GRK1: variants seen among roughly 807,000 people sequenced by gnomAD.
GRK1 encodes rhodopsin kinase GRK1.
A neutral mutation model predicts 41.7 loss-of-function variants in GRK1; 28 were observed. That is an observed-to-expected ratio of 0.67 (90% confidence interval 0.50 to 0.92). The LOEUF is 0.92. GRK1 is among the 40% of genes least tolerant of loss of function. The pLI is 0.00. For synonymous variants in GRK1, 327 were observed against 286.7 expected (o/e 1.14, Z -1.42); for missense variants, 703 against 671.2 (o/e 1.05, Z -0.52).
rs193158669 is a variant in GRK1 at position 113,731,003 on chromosome 13, G to A, written c.1070-216G>A. 3.9e-4 allele frequency among the ~76,000 whole-genome samples: 60 copies of A among 152,290 alleles called. 1 individual carries two copies. Among genetic ancestry groups the A allele is most frequent in the Admixed American group, 2.4e-3 (37 of 15,302 alleles). ...CATTTTTGGTTGTCACAGCCTGGGG[G>A]TGCTGCTGTCACCCCACAGGCAGAG... On this transcript the variant is annotated intron_variant, in intron 4 of 6. Transcript: ENST00000335678. The surrounding 1 kb of genome is among the most constrained non-coding windows in gnomAD (Gnocchi z 5.6).
the GRK1 span, chr13:113,650,345 T>G: frequency 3.3e-6 from 5 of 1,499,436 alleles, no homozygotes; most frequent in South Asian, 5.7e-5. The surrounding 1 kb of genome is among the most constrained non-coding windows in gnomAD (Gnocchi z 5.0). Flanking sequence ...TGCTTTCCTT[T>G]CGCTAAGTGT....
At position 113,737,053 on chromosome 13, in the gene GRK1, TCA is replaced by T. The variant is rs1324065185; in HGVS notation, c.*1693_*1694del. ...GCTGCAGTGGGCAGGGCCTATGCCC[TCA>T]CAGTCCTCAGGCTGCCAGGTCGTCC... On this transcript the variant is annotated 3_prime_UTR_variant, in exon 7 of 7. Coordinates refer to ENST00000335678, the MANE Select transcript of GRK1 (RefSeq NM_002929.3). The T allele has an allele frequency of 6.6e-6, 1 of 152,434 alleles. No individual in the cohort carries two copies. The highest frequency in any genetic ancestry group is 1.5e-5 in the Non-Finnish European group (1 of 68,166). 9.4% of individuals were successfully genotyped at this position (152,434 alleles called of 1,614,324 possible).
chr13:113,666,220 G>C (rs1594569257), upstream of GRK1, among the ~76,000 whole-genome samples: 1 of 145,716 alleles, frequency 6.9e-6, no homozygotes, highest in East Asian at 2.1e-4. Flanking sequence ...CGCTGTCCCA[G>C]GTGTGTCCAA....
the GRK1 span, among the ~76,000 whole-genome samples, chr13:113,661,448 G>A: frequency 1.3e-5 from 2 of 151,870 alleles, no homozygotes; most frequent in African/African-American, 4.8e-5. Context: ...AAAAAGAAAA[G>A]CAAGTAAAAC....
chr13:113,650,276 TC>T, the GRK1 span: 146 of 837,824 alleles, frequency 1.7e-4, 1 homozygote, highest in African/African-American at 2.3e-3. This position sits in a 1 kb window ranked among gnomAD's most constrained non-coding sequence, Gnocchi z 5.0. Context: ...CGCAGAACGT[TC>T]CAGTCAGGAC....
chr13:113,649,474 A>G, the GRK1 span: 29 of 1,559,494 alleles, frequency 1.9e-5, no homozygotes, highest in South Asian at 3.4e-4. The surrounding 1 kb of genome is among the most constrained non-coding windows in gnomAD (Gnocchi z 4.7). Flanking sequence ...CACGATGGCG[A>G]CCTCAGCGTT....
the GRK1 span, chr13:113,649,556 G>T: frequency 6.8e-7 from 1 of 1,470,594 alleles, no homozygotes; most frequent in Non-Finnish European, 9.0e-7. The surrounding 1 kb of genome is among the most constrained non-coding windows in gnomAD (Gnocchi z 4.7). Context: ...AGTGAGGAAA[G>T]GACAGGTGTT....
chr13:113,735,478 C>A lies in GRK1; in HGVS notation c.*115C>A. On this transcript the variant is annotated 3_prime_UTR_variant, in exon 7 of 7. Coordinates refer to ENST00000335678, the MANE Select transcript of GRK1 (RefSeq NM_002929.3). ...GCAAGGGGACACGTGGTTCCCTCCA[C>A]CCAGGTCCCCATCACGCCATCTCCT... 1 of 1,174,346 alleles carries A rather than the reference C, an allele frequency of 8.5e-7. No homozygotes were observed. The highest frequency in any genetic ancestry group is 1.1e-6 in the Non-Finnish European group (1 of 873,430). 72.7% of individuals were successfully genotyped at this position (1,174,346 alleles called of 1,614,324 possible).
chr13:113,662,498 G>A (rs1807248453), upstream of GRK1, among the ~76,000 whole-genome samples: 1 of 152,164 alleles, frequency 6.6e-6, no homozygotes, highest in African/African-American at 2.4e-5. Flanking sequence ...CAGAAAGGAA[G>A]AAATAAAACT....
chr13:113,726,463 G>C (rs1275430544), intron 4 of GRK1: 1 of 152,936 alleles, frequency 6.5e-6, no homozygotes, highest in Non-Finnish European at 1.5e-5. Flanking sequence ...GGATCCAGGG[G>C]CGTGCACAGG....
Position 113,733,060 on chromosome 13 carries a change from C to T in GRK1, c.1371C>T (p.Asp457=). 3.3e-6 allele frequency: 5 copies of T among 1,536,870 alleles called. No individual in the cohort carries two copies. The highest frequency in any genetic ancestry group is 4.4e-6 in the Non-Finnish European group (5 of 1,146,806). Residue 457 remains aspartate (D), a synonymous_variant, in exon 6 of 7, where the codon GAC becomes GAT. Transcript: ENST00000335678. ...TCCGTGCCCACCCCCTCTTCAAGGA[C>T]CTTAACTGGAGGCAGCTGGAGGCTG... ...DKLRAHPLFK[D]LNWRQLEAGM... is the part of the protein sequence containing the mutation.
intron 4 of GRK1, among the ~76,000 whole-genome samples, chr13:113,724,294 C>T (rs1027732833): frequency 6.6e-6 from 1 of 152,242 alleles, no homozygotes; most frequent in African/African-American, 2.4e-5. Context: ...ACAGCAGCCA[C>T]ACCGTGAATT....
At position 113,667,866 on chromosome 13, in the gene GRK1, C is replaced by A. The variant is rs771090031; in HGVS notation, c.480C>A (p.Ala160=). 1 of 1,589,680 alleles carries A rather than the reference C, an allele frequency of 6.3e-7. No homozygotes were observed. Among genetic ancestry groups the A allele is most frequent in the Non-Finnish European group, 8.6e-7 (1 of 1,166,640 alleles). The change falls in exon 1 of 7, where the codon GCC becomes GCA. Residue 160 remains alanine, a synonymous_variant. Transcript: ENST00000335678. This position sits in a 1 kb window ranked among gnomAD's most constrained non-coding sequence, Gnocchi z 7.5. ...LQATLAHLGQ[A]PFQEYLGSLY... Reference sequence around the variant, plus strand: ...CCACCCTGGCACACCTGGGCCAAGCCCCCTTCCAGGAGTACCTGGGCAGCC... The same window carrying A: ...CCACCCTGGCACACCTGGGCCAAGCACCCTTCCAGGAGTACCTGGGCAGCC...
At chr13:113,732,304 GT>G (rs1219425655) in intron 5 of GRK1, among the ~76,000 whole-genome samples, 1 of 152,192 alleles carries the variant, frequency 6.6e-6, no homozygotes, top group Non-Finnish European at 1.5e-5. Context: ...GCCAGGACAG[GT>G]TTCAGAGCAG....
intron 6 of GRK1, among the ~76,000 whole-genome samples, chr13:113,734,020 G>GT (rs1324106286): frequency 1.4e-5 from 2 of 143,554 alleles, no homozygotes; most frequent in African/African-American, 5.6e-5. Context: ...GTGCATGTGT[G>GT]TGCGTGCGTG....
At chr13:113,663,858 G>T (rs1258488801), upstream of GRK1, among the ~76,000 whole-genome samples, 5 of 152,174 alleles carry the variant, frequency 3.3e-5, no homozygotes. Context: ...ATGTAAAATG[G>T]CACGGCCACT....
At chr13:113,651,045 C>T in the GRK1 span, among the ~76,000 whole-genome samples, 17 of 103,034 alleles carry the variant, frequency 1.6e-4, no homozygotes, top group African/African-American at 5.3e-4. Flanking sequence ...AGCAAATCCC[C>T]GCGGCCCCCA....
chr13:113,732,319 C>T (rs748774140), intron 5 of GRK1, among the ~76,000 whole-genome samples: 2 of 152,180 alleles, frequency 1.3e-5, no homozygotes, highest in Non-Finnish European at 1.5e-5. Context: ...AGAGCAGAGT[C>T]GTCCCAGGAC....
intron 6 of GRK1, among the ~76,000 whole-genome samples, chr13:113,733,750 TGTGTGTGCGTGTGTATGTGTGTGCATAC>T (rs2049965391): frequency 9.0e-6 from 1 of 111,512 alleles, no homozygotes; most frequent in Non-Finnish European, 2.0e-5. Flanking sequence ...TGTGCATACA[TGTGTGTGCGTGTGTATGTGTGTGCATAC>T]GTGTGTGCAT....
Sources: allele counts gnomAD v4.1 joint callset (sites outside exome capture counted in the v4.1 genomes callset), GRCh38; gene constraint gnomAD v4.1.1; non-coding constraint Gnocchi (gnomAD v3.1); transcripts MANE v1.5; gene names NCBI Gene and HGNC (gene_info 2026-07-23, HGNC 2026-07-21).